SLC8A1: variants seen among roughly 807,000 people sequenced by gnomAD.
The protein encoded by SLC8A1 is sodium/calcium exchanger 1.
SLC8A1 carries 18 observed loss-of-function variants against 68.3 expected under a neutral mutation model. The ratio of observed to expected loss-of-function variants is 0.26; its 90% CI spans 0.18 to 0.39. The LOEUF is 0.39. Among genes scored for constraint, SLC8A1 ranks in the 10% least tolerant of loss-of-function variants. SLC8A1 has a pLI of 1.00. For synonymous variants in SLC8A1, 475 were observed against 415.5 expected, an observed-to-expected ratio of 1.14 and a Z score of -1.74; for missense variants, 985 against 1,156.7, an observed-to-expected ratio of 0.85 and a Z score of 2.15.
At chr2:40,474,258 T>A (rs1704152497) in intron 1 of SLC8A1, among the ~76,000 whole-genome samples, 1 of 152,206 alleles carries the variant, frequency 6.6e-6, no homozygotes, top group African/African-American at 2.4e-5. Context: ...GTCTTCCCTG[T>A]GAATACTAAT....
chr2:40,205,582 G>T (rs1273525892), intron 2 of SLC8A1, among the ~76,000 whole-genome samples: 2 of 152,044 alleles, frequency 1.3e-5, no homozygotes, highest in African/African-American at 4.8e-5. Context: ...TCACTTACAA[G>T]AGGGAGCTAA....
At chr2:40,118,860 A>G (rs2036149245) in intron 7 of SLC8A1, among the ~76,000 whole-genome samples, 1 of 152,018 alleles carries the variant, frequency 6.6e-6, no homozygotes, top group East Asian at 1.9e-4. Context: ...GTGCTGTTCC[A>G]TAGAACACAC....
chr2:40,438,972 T>C (rs1034174799), intron 1 of SLC8A1, among the ~76,000 whole-genome samples: 1 of 151,990 alleles, frequency 6.6e-6, no homozygotes, highest in African/African-American at 2.4e-5. Flanking sequence ...CAGAAAACAG[T>C]GTTTGTTCTA....
chr2:40,391,306 C>G (rs1161249593), intron 2 of SLC8A1, among the ~76,000 whole-genome samples: 3 of 151,638 alleles, frequency 2.0e-5, no homozygotes, highest in Admixed American at 2.0e-4. Context: ...ATTTGCTACT[C>G]AGAAAGGGAA....
chr2:40,506,793 TG>T (rs1039548746), intron 1 of SLC8A1, among the ~76,000 whole-genome samples: 2 of 151,980 alleles, frequency 1.3e-5, no homozygotes, highest in African/African-American at 2.4e-5. Context: ...AAATCATCTC[TG>T]GGAAAATGAT....
chr2:40,123,764 T>C (rs1468695599), intron 7 of SLC8A1, among the ~76,000 whole-genome samples: 1 of 152,202 alleles, frequency 6.6e-6, no homozygotes. Context: ...TGGCTAATTT[T>C]GAAAAGGAAA....
In SLC8A1 at chr2:40,097,390, A is replaced by AG. The variant is rs571694639; in HGVS notation, c.*17862dup. On this transcript the variant is annotated 3_prime_UTR_variant, in exon 8 of 8. Coordinates refer to ENST00000406785, the Ensembl canonical transcript of SLC8A1. The stretch of plus-strand genomic sequence containing the variant: ...AGGCAATGAAAACTTCACAGATTAC[A>AG]GTTTAACACGATTAAACATCACATA... The AG allele has an allele frequency of 7.2e-5, 11 of 152,172 alleles. No individual in the cohort carries two copies. In the South Asian group the frequency reaches 2.3e-3, roughly 32 times the overall value. 9.4% of individuals were successfully genotyped at this position (152,172 alleles called of 1,614,324 possible). A position where few individuals can be genotyped will look rare whatever the true frequency, so the allele number is the denominator to read the frequency against.
chr2:40,394,817 G>C (rs540070067), intron 2 of SLC8A1, among the ~76,000 whole-genome samples: 1 of 152,030 alleles, frequency 6.6e-6, no homozygotes, highest in African/African-American at 2.4e-5. Context: ...GCTAGCTTGG[G>C]GAAGTTGAAG....
intron 6 of SLC8A1, among the ~76,000 whole-genome samples, chr2:40,154,479 CTTTTCTTT>C (rs1251791283): frequency 3.3e-5 from 1 of 30,044 alleles, no homozygotes; most frequent in Non-Finnish European, 7.4e-5. Flanking sequence ...AATTTTTTTT[CTTTTCTTT>C]TTTTTTTTTT....
intron 1 of SLC8A1, 33 bp from the exon 2 acceptor site, chr2:40,430,337 A>G (rs1698001169): frequency 1.3e-6 from 2 of 1,534,022 alleles, no homozygotes; most frequent in Middle Eastern, 1.8e-4. Flanking sequence ...GAGGGCAGAA[A>G]AAAAGTCATG....
At chr2:40,384,069 A>G (rs6718322) in intron 2 of SLC8A1, among the ~76,000 whole-genome samples, 111,250 of 151,586 alleles carry the variant, frequency 0.73, 42,226 homozygotes, top group African/African-American at 0.93. Flanking sequence ...TACACCAGCC[A>G]AGACAACACA....
intron 2 of SLC8A1, among the ~76,000 whole-genome samples, chr2:40,346,265 C>G (rs1281724561): frequency 6.6e-6 from 1 of 152,020 alleles, no homozygotes; most frequent in Non-Finnish European, 1.5e-5. Flanking sequence ...ATGGCTGAGA[C>G]TCCCCTTTCC....
exon 2 of SLC8A1, chr2:40,428,856 G>T (rs1697581364): frequency 6.2e-7 from 1 of 1,613,798 alleles, no homozygotes; most frequent in Non-Finnish European, 8.5e-7. Flanking sequence ...TACCCACTCT[G>T]ATTTCCTTCT....
chr2:40,389,619 G>A (rs1304409110), intron 2 of SLC8A1, among the ~76,000 whole-genome samples: 1 of 151,632 alleles, frequency 6.6e-6, no homozygotes, highest in East Asian at 1.9e-4. Context: ...CCATCCAACT[G>A]AATGAGCCAC....
chr2:40,190,936 G>GGT (rs374411794), intron 2 of SLC8A1, among the ~76,000 whole-genome samples: 4 of 151,256 alleles, frequency 2.6e-5, no homozygotes, highest in Non-Finnish European at 5.9e-5. Flanking sequence ...TGTGTGTGTG[G>GGT]GTGTGTGTGT....
chr2:40,385,573 G>A (rs1002897721), intron 2 of SLC8A1, among the ~76,000 whole-genome samples: 18 of 150,894 alleles, frequency 1.2e-4, no homozygotes, highest in African/African-American at 4.4e-4. Context: ...TATCAACAAG[G>A]AAAAAAATGT....
At chr2:40,288,079 G>T (rs1049378012) in intron 2 of SLC8A1, among the ~76,000 whole-genome samples, 3 of 152,100 alleles carry the variant, frequency 2.0e-5, no homozygotes, top group African/African-American at 7.2e-5. Context: ...TGCAGACTCT[G>T]CAAACCTTGC....
intron 7 of SLC8A1, among the ~76,000 whole-genome samples, chr2:40,122,339 A>G (rs553029364): frequency 1.4e-4 from 21 of 152,290 alleles, no homozygotes; most frequent in Admixed American, 6.5e-4. Context: ...TGACTGATTA[A>G]TAACCAGGTA....
upstream of SLC8A1, among the ~76,000 whole-genome samples, chr2:40,455,289 T>C (rs1702932015): frequency 6.6e-6 from 1 of 152,222 alleles, no homozygotes; most frequent in African/African-American, 2.4e-5. Flanking sequence ...TAAAAATATT[T>C]AATACTTTAC....
Sources: allele counts gnomAD v4.1 joint callset (sites outside exome capture counted in the v4.1 genomes callset), GRCh38; gene constraint gnomAD v4.1.1; transcripts MANE v1.5; gene names NCBI Gene and HGNC (gene_info 2026-07-23, HGNC 2026-07-21).